Variants in ZFHX3 observed in about 807,000 individuals in gnomAD.
ZFHX3 encodes the protein zinc finger homeobox protein 3.
ZFHX3 carries 42 observed loss-of-function variants against 279.1 expected under a neutral mutation model. The observed-to-expected ratio is 0.15, with a 90% CI of 0.12 to 0.19. ZFHX3 has a LOEUF of 0.19. ZFHX3 is among the 10% of genes least tolerant of loss of function. ZFHX3 has a pLI of 1.00. For missense variants in ZFHX3, 4,981 were observed against 4,754.0 expected (o/e 1.05, Z -1.40); for synonymous variants, 2,293 against 1,957.8 (o/e 1.17, Z -4.52).
chr16:73,193,979 T>C (rs913880243), intron 5 of ZFHX3, among the ~76,000 whole-genome samples: 3 of 152,224 alleles, frequency 2.0e-5, no homozygotes, highest in African/African-American at 7.2e-5. Flanking sequence ...GATTCGTTTC[T>C]GAAAGACCTC....
intron 4 of ZFHX3, among the ~76,000 whole-genome samples, chr16:72,833,722 A>G (rs2037119802): frequency 6.6e-6 from 1 of 152,132 alleles, no homozygotes; most frequent in African/African-American, 2.4e-5. Flanking sequence ...GGCAGGAGGT[A>G]GCAGGCCCAA....
chr16:73,676,878 T>C (rs1244090239), intron 2 of ZFHX3, among the ~76,000 whole-genome samples: 1 of 152,000 alleles, frequency 6.6e-6, no homozygotes, highest in Non-Finnish European at 1.5e-5. Context: ...ACAGACTTTA[T>C]ATTAAGGGAA....
At chr16:73,444,999 G>C (rs2018158254) in intron 3 of ZFHX3, among the ~76,000 whole-genome samples, 1 of 149,268 alleles carries the variant, frequency 6.7e-6, no homozygotes, top group Admixed American at 6.7e-5. Context: ...GCCAGGTGTG[G>C]TGACAGGGGC....
chr16:73,434,385 A>C (rs968219220), intron 3 of ZFHX3, among the ~76,000 whole-genome samples: 2 of 152,206 alleles, frequency 1.3e-5, no homozygotes, highest in African/African-American at 4.8e-5. Context: ...TAATTAGTCC[A>C]TCTCATTAAG....
intron 1 of ZFHX3, among the ~76,000 whole-genome samples, chr16:73,812,462 A>T (rs751848985): frequency 3.9e-5 from 6 of 152,174 alleles, no homozygotes; most frequent in African/African-American, 1.2e-4. Context: ...AACTGACTGC[A>T]TTCGTTGACC....
chr16:73,819,665 G>C (rs1036445532), intron 1 of ZFHX3, among the ~76,000 whole-genome samples: 4 of 152,122 alleles, frequency 2.6e-5, no homozygotes, highest in African/African-American at 4.8e-5. Flanking sequence ...CAACAGGAGA[G>C]GGAAGAGAAA....
intron 5 of ZFHX3, among the ~76,000 whole-genome samples, chr16:73,144,037 T>G (rs897133295): frequency 6.6e-6 from 1 of 152,184 alleles, no homozygotes; most frequent in Non-Finnish European, 1.5e-5. Context: ...TTCACTTATG[T>G]TTCCTAGGCT....
chr16:73,002,308 T>C (rs747914785), intron 1 of ZFHX3, among the ~76,000 whole-genome samples: 2 of 152,146 alleles, frequency 1.3e-5, no homozygotes, highest in Non-Finnish European at 2.9e-5. Context: ...ACACCAAGAT[T>C]AATGCTCTGT....
At chr16:72,899,389 T>A (rs924704124) in intron 3 of ZFHX3, among the ~76,000 whole-genome samples, 7 of 152,186 alleles carry the variant, frequency 4.6e-5, no homozygotes, top group Non-Finnish European at 4.4e-5. Context: ...CCTGCTGCCA[T>A]GTGAAAAAGG....
intron 2 of ZFHX3, among the ~76,000 whole-genome samples, chr16:73,610,309 G>A (rs926818095): frequency 3.9e-5 from 6 of 152,152 alleles, no homozygotes; most frequent in Non-Finnish European, 2.9e-5. Flanking sequence ...ACTCACAAAA[G>A]GAGATGGTTT....
intron 1 of ZFHX3, among the ~76,000 whole-genome samples, chr16:73,859,512 C>T (rs1220115703): frequency 6.6e-6 from 1 of 152,198 alleles, no homozygotes; most frequent in Non-Finnish European, 1.5e-5. Flanking sequence ...CATTGCATTT[C>T]TCCATCATCC....
intron 2 of ZFHX3, among the ~76,000 whole-genome samples, chr16:73,586,884 T>C (rs2051932860): frequency 1.3e-5 from 2 of 152,238 alleles, no homozygotes; most frequent in Non-Finnish European, 1.5e-5. Context: ...ATAGTCTGTT[T>C]AGCATTTTTA....
intron 1 of ZFHX3, among the ~76,000 whole-genome samples, chr16:73,045,919 G>A (rs188020267): frequency 2.0e-5 from 3 of 151,920 alleles, no homozygotes; most frequent in Non-Finnish European, 2.9e-5. Context: ...AAAAGTGCTC[G>A]CTTCTGCATC....
chr16:73,371,605 C>T (rs928272994), intron 3 of ZFHX3, among the ~76,000 whole-genome samples: 1 of 152,002 alleles, frequency 6.6e-6, no homozygotes, highest in Non-Finnish European at 1.5e-5. Flanking sequence ...AACTGGTGCA[C>T]CGGGTGTACC....
upstream of ZFHX3, among the ~76,000 whole-genome samples, chr16:73,050,829 T>G (rs1379135213): frequency 6.6e-6 from 1 of 152,180 alleles, no homozygotes; most frequent in Non-Finnish European, 1.5e-5. Context: ...TCGTCTCATC[T>G]GGAAAGCGTA....
chr16:72,820,947 AGGT>A (rs2036776256), intron 5 of ZFHX3, among the ~76,000 whole-genome samples: 2 of 152,190 alleles, frequency 1.3e-5, no homozygotes, highest in Non-Finnish European at 2.9e-5. Flanking sequence ...AACAATAATT[AGGT>A]TAGTTAGGGT....
chr16:73,636,711 T>C (rs570196939), intron 2 of ZFHX3, among the ~76,000 whole-genome samples: 3 of 152,268 alleles, frequency 2.0e-5, no homozygotes, highest in South Asian at 2.1e-4. Context: ...GTTTCACCTA[T>C]ATGATGAAAA....
intron 1 of ZFHX3, among the ~76,000 whole-genome samples, chr16:73,044,263 T>A (rs1330225091): frequency 6.6e-6 from 1 of 152,174 alleles, no homozygotes. Flanking sequence ...TGAGGTTCAC[T>A]GTAATGGAAT....
chr16:73,002,531 G>A (rs1800989337), intron 1 of ZFHX3, among the ~76,000 whole-genome samples: 1 of 152,144 alleles, frequency 6.6e-6, no homozygotes, highest in African/African-American at 2.4e-5. Flanking sequence ...ATATCAGAAA[G>A]ACAGCACACA....
Sources: gnomAD v4.1 joint callset for allele counts (sites outside exome capture counted in the v4.1 genomes callset) on GRCh38, gnomAD v4.1.1 for gene constraint, MANE v1.5 for transcripts, NCBI Gene and HGNC (gene_info 2026-07-23, HGNC 2026-07-21) for gene names.